Variants in ZNF750 observed in about 807,000 individuals in gnomAD.
ZNF750 encodes protein ZNF750.
ZNF750 carries 10 observed loss-of-function variants against 31.6 expected under a neutral mutation model. The observed-to-expected ratio is 0.32, with a 90% confidence interval of 0.19 to 0.54. The LOEUF is 0.54. Among genes scored for constraint, ZNF750 ranks in the 20% least tolerant of loss-of-function variants. ZNF750 has a pLI of 0.95. For missense variants in ZNF750, 914 were observed against 934.9 expected, an observed-to-expected ratio of 0.98 and a Z score of 0.29; for synonymous variants, 400 against 404.9, an observed-to-expected ratio of 0.99 and a Z score of 0.15.
At position 82,829,440 on chromosome 17, in the gene ZNF750, A is replaced by G. The variant is rs1177587959; in HGVS notation, c.*702T>C. On this transcript the variant is annotated 3_prime_UTR_variant, in exon 3 of 3. Transcript: ENST00000269394. Reference sequence around the variant, plus strand: ...CTGTTACGGCAAAATATTCTAAAGGATAACATAGATTTATGTTTATTTGCA... The same window carrying G: ...CTGTTACGGCAAAATATTCTAAAGGGTAACATAGATTTATGTTTATTTGCA... 6.5e-6 allele frequency: 1 copy of G among 154,282 alleles called. No individual in the cohort carries two copies. 9.6% of individuals were successfully genotyped at this position (154,282 alleles called of 1,614,324 possible).
At chr17:82,839,042 T>A in intron 1 of ZNF750, 1 of 913,712 alleles carries the variant, frequency 1.1e-6, no homozygotes, top group Non-Finnish European at 1.3e-6. Flanking sequence ...TGTCTATATG[T>A]ACAGAAGACC....
rs35792712 is a variant in ZNF750 at position 82,830,850 on chromosome 17, A to G, written c.1464T>C (p.Pro488=). 1.9e-6 allele frequency: 3 copies of G among 1,613,062 alleles called. No homozygotes were observed. In the South Asian group the frequency reaches 3.3e-5, roughly 18 times the overall value. Reference sequence around the variant, plus strand: ...CGAGAGAGGCGCTTCCGGTCGGAGCAGGAGGGTCTCCGTTCACAACATTGA... The same window carrying G: ...CGAGAGAGGCGCTTCCGGTCGGAGCGGGAGGGTCTCCGTTCACAACATTGA... ...VSLNVVNGDP[P]APTGSASLVS... Residue 488 remains proline (P), a synonymous_variant, in exon 3 of 3, where the codon CCT becomes CCC. Coordinates refer to ENST00000269394, the MANE Select transcript of ZNF750 (RefSeq NM_024702.3).
Position 82,832,412 on chromosome 17 carries a change from T to C in ZNF750, c.43A>G (p.Ile15Val). The part of the protein sequence containing the change: ...KERKPKKPHY[I>V]PRPPGKPFKY... ...AAGGGCTTTCCTGGAGGCCTGGGGA[T>C]GTAATGTGGCTTTTTTGGCTTCCGC... The change falls in exon 2 of 3, where the codon ATC becomes GTC. Residue 15 changes from isoleucine to valine, a missense_variant. By Grantham distance (29) the Ile-to-Val change is conservative (BLOSUM62 3). Around this residue, in one of 2 missense-constraint regions of ZNF750, gnomAD observed 34 missense variants for 66.0 expected, o/e 0.52. Coordinates refer to ENST00000269394, the MANE Select transcript of ZNF750 (RefSeq NM_024702.3). The surrounding 1 kb of genome is among the most constrained non-coding windows in gnomAD (Gnocchi z 4.9). 1.2e-6 allele frequency: 2 copies of C among 1,614,066 alleles called. No homozygotes were observed. The highest frequency in any genetic ancestry group is 1.7e-6 in the Non-Finnish European group (2 of 1,180,042).
In ZNF750 at chr17:82,835,605, A is replaced by G. The variant is rs2053901999; in HGVS notation, c.-182-2969T>C. On this transcript the variant is annotated intron_variant, in intron 1 of 2. Coordinates refer to ENST00000269394, the MANE Select transcript of ZNF750 (RefSeq NM_024702.3). This position sits in a 1 kb window ranked among gnomAD's most constrained non-coding sequence, Gnocchi z 4.5. ...GCCCAGCTAATTTTTTTGTAATTTT[A>G]GTAGAGATGGGGTTTCACTATGTTG... Among the ~76,000 whole-genome samples, 4 of 151,746 alleles carry G rather than the reference A, an allele frequency of 2.6e-5. No individual in the cohort carries two copies. Among genetic ancestry groups the G allele is most frequent in the Admixed American group, 2.0e-4 (3 of 15,230 alleles).
At chr17:82,839,227 C>A (rs1314207601) in intron 1 of ZNF750, among the ~76,000 whole-genome samples, 1 of 152,180 alleles carries the variant, frequency 6.6e-6, no homozygotes, top group African/African-American at 2.4e-5. Context: ...AAACATATAA[C>A]CCTAAATTCA....
In ZNF750 at chr17:82,830,861, C is replaced by T. The variant is rs762115687; in HGVS notation, c.1453G>A (p.Gly485Arg). The T allele has an allele frequency of 6.8e-6, 11 of 1,612,626 alleles. No homozygotes were observed. The highest frequency in any genetic ancestry group is 5.3e-5 in the African/African-American group (4 of 74,860). The change falls in exon 3 of 3, where the codon GGA becomes AGA. Residue 485 changes from glycine (G) to arginine (R), a missense_variant. By Grantham distance (125) the Gly-to-Arg change is moderately radical (BLOSUM62 -2). This residue lies in a region of ZNF750 where 880 missense variants were observed against 868.9 expected (regional missense o/e 1.01). Coordinates refer to ENST00000269394, the MANE Select transcript of ZNF750 (RefSeq NM_024702.3). ...CTTCCGGTCGGAGCAGGAGGGTCTC[C>T]GTTCACAACATTGAGGCTAGAAGAA... ...ESPVSLNVVNGDPPAPTGSAS... is the reference protein window; with the variant it reads ...ESPVSLNVVNRDPPAPTGSAS...
chr17:82,834,881 A>T (rs1183303575), intron 1 of ZNF750, among the ~76,000 whole-genome samples: 2 of 138,242 alleles, frequency 1.4e-5, no homozygotes, highest in Non-Finnish European at 3.0e-5. Flanking sequence ...AAAGTATAAT[A>T]AAAAAAAAAT....
chr17:82,838,877 T>C (rs1332006370), intron 1 of ZNF750: 5 of 985,462 alleles, frequency 5.1e-6, no homozygotes, highest in Non-Finnish European at 6.0e-6. Context: ...CGCCTCATCC[T>C]GAAACTCCGG....
Position 82,840,021 on chromosome 17 carries a change from C to G in ZNF750, c.-277G>C, listed in dbSNP as rs1045147467. 3 of 152,368 alleles carry G rather than the reference C, an allele frequency of 2.0e-5. No individual in the cohort carries two copies. Among genetic ancestry groups the G allele is most frequent in the Non-Finnish European group, 4.4e-5 (3 of 68,044 alleles). 9.4% of individuals were successfully genotyped at this position (152,368 alleles called of 1,614,324 possible). On this transcript the variant is annotated 5_prime_UTR_variant, in exon 1 of 3. Coordinates refer to ENST00000269394, the MANE Select transcript of ZNF750 (RefSeq NM_024702.3). ...CTGTTCTCACGCTTGCTGGGTGAAA[C>G]TGGAGCCTGCTGTTCCAGTGGGAGG...
chr17:82,837,770 CT>C (rs1489905773), intron 1 of ZNF750, among the ~76,000 whole-genome samples: 1 of 152,236 alleles, frequency 6.6e-6, no homozygotes, highest in Non-Finnish European at 1.5e-5. Flanking sequence ...TATGCAGAGT[CT>C]TCCCTGACTG....
Position 82,829,880 on chromosome 17 carries a change from C to G in ZNF750, c.*262G>C. The G allele has an allele frequency of 1.8e-6, 1 of 549,198 alleles. No individual in the cohort carries two copies. Among genetic ancestry groups the G allele is most frequent in the South Asian group, 2.4e-5 (1 of 42,106 alleles). The allele number at this position is 549,198 out of a possible 1,614,324, so 34.0% of individuals were successfully genotyped here. On this transcript the variant is annotated 3_prime_UTR_variant, in exon 3 of 3. Coordinates refer to ENST00000269394, the MANE Select transcript of ZNF750 (RefSeq NM_024702.3). ...TTATAAAAGATCTTCTGTAAGACAG[C>G]TTAGACTTGAAAATACATATCAGTC...
chr17:82,837,963 A>T (rs549131449), intron 1 of ZNF750, among the ~76,000 whole-genome samples: 1 of 152,344 alleles, frequency 6.6e-6, no homozygotes, highest in South Asian at 2.1e-4. Flanking sequence ...CTGAGCTTTC[A>T]CCAGGCTTTT....
Position 82,832,207 on chromosome 17 carries a change from G to A in ZNF750, c.248C>T (p.Ala83Val), listed in dbSNP as rs762874747. 3.1e-6 allele frequency: 5 copies of A among 1,614,244 alleles called. No individual in the cohort carries two copies. Among genetic ancestry groups the A allele is most frequent in the South Asian group, 1.1e-5 (1 of 91,086 alleles). ...PKQTNQPDATAKPASSKSVAN... is the reference protein window; with the variant it reads ...PKQTNQPDATVKPASSKSVAN... ...GACAGACTTGGAAGAGGCTGGCTTCGCCGTGGCATCGGGCTGGTTGGTTTG... is the reference window on the plus strand; with the variant it reads ...GACAGACTTGGAAGAGGCTGGCTTCACCGTGGCATCGGGCTGGTTGGTTTG... Residue 83 changes from alanine (A) to valine (V), a missense_variant, in exon 2 of 3, where the codon GCG becomes GTG. Physicochemically the swap from Ala to Val is moderately conservative, Grantham distance 64. Around this residue, in one of 2 missense-constraint regions of ZNF750, gnomAD observed 880 missense variants for 868.9 expected, o/e 1.01. Coordinates refer to ENST00000269394, the MANE Select transcript of ZNF750 (RefSeq NM_024702.3). The surrounding 1 kb of genome is among the most constrained non-coding windows in gnomAD (Gnocchi z 4.9).
chr17:82,834,665 A>G (rs2053812896), intron 1 of ZNF750, among the ~76,000 whole-genome samples: 1 of 146,910 alleles, frequency 6.8e-6, no homozygotes, highest in African/African-American at 2.5e-5. Context: ...GGAGCTGAAC[A>G]GTGAAAACAC....
rs144111183 is a variant in ZNF750 at position 82,833,066 on chromosome 17, C to A, written c.-182-430G>T. Among the ~76,000 whole-genome samples the A allele has an allele frequency of 6.6e-6, 1 of 152,256 alleles. No homozygotes were observed. Among genetic ancestry groups the A allele is most frequent in the East Asian group, 1.9e-4 (1 of 5,168 alleles). On this transcript the variant is annotated intron_variant, in intron 1 of 2. Transcript: ENST00000269394. This position sits in a 1 kb window ranked among gnomAD's most constrained non-coding sequence, Gnocchi z 4.7. Reference sequence around the variant, plus strand: ...AGTCCTGTCCCAGGGCTGCCCGACTCTGCTTGGGGGTTACACGCTTGAAGC... The same window carrying A: ...AGTCCTGTCCCAGGGCTGCCCGACTATGCTTGGGGGTTACACGCTTGAAGC...
At position 82,830,361 on chromosome 17, in the gene ZNF750, C is replaced by T. The variant is rs200708910; in HGVS notation, c.1953G>A (p.Val651=). The part of the protein sequence containing the change: ...LAAYSPRNIR[V]GDGDAAAPEP... The stretch of plus-strand genomic sequence containing the variant: ...CCGGGGCCGCAGCATCCCCATCGCC[C>T]ACCCGGATGTTCCTGGGGCTGTAGG... The change falls in exon 3 of 3, where the codon GTG becomes GTA. Residue 651 remains valine (V), a synonymous_variant. Transcript: ENST00000269394. 5.0e-6 allele frequency: 8 copies of T among 1,613,414 alleles called. No homozygotes were observed. The highest frequency in any genetic ancestry group is 4.0e-5 in the African/African-American group (3 of 75,072).
Position 82,830,029 on chromosome 17 carries a change from C to A in ZNF750, c.*113G>T, listed in dbSNP as rs1034808600. On this transcript the variant is annotated 3_prime_UTR_variant, in exon 3 of 3. Transcript: ENST00000269394. Reference sequence around the variant, plus strand: ...TTTGTTTGTTTGTTTTTTTGAGAAGCAGCAGCTGCATTTGTAAAAATGTGA... The same window carrying A: ...TTTGTTTGTTTGTTTTTTTGAGAAGAAGCAGCTGCATTTGTAAAAATGTGA... 4.0e-6 allele frequency: 6 copies of A among 1,512,658 alleles called. No individual in the cohort carries two copies. The African/African-American group carries it at 8.3e-5, about 21-fold the overall frequency. The allele number at this position is 1,512,658 out of a possible 1,614,324, so 93.7% of individuals were successfully genotyped here.
Position 82,833,200 on chromosome 17 carries a change from G to A in ZNF750, c.-182-564C>T, listed in dbSNP as rs1250064659. On this transcript the variant is annotated intron_variant, in intron 1 of 2. Coordinates refer to ENST00000269394, the MANE Select transcript of ZNF750 (RefSeq NM_024702.3). The surrounding 1 kb of genome is among the most constrained non-coding windows in gnomAD (Gnocchi z 4.7). Reference sequence around the variant, plus strand: ...AGAGTGCCCCTCACTTTTACACAGAGCGTGGGCTGGCCACCGTCTACTTGC... The same window carrying A: ...AGAGTGCCCCTCACTTTTACACAGAACGTGGGCTGGCCACCGTCTACTTGC... 6.6e-6 allele frequency among the ~76,000 whole-genome samples: 1 copy of A among 152,034 alleles called. No individual in the cohort carries two copies. The highest frequency in any genetic ancestry group is 1.5e-5 in the Non-Finnish European group (1 of 68,016).
rs935279603 is a variant in ZNF750, at chr17:82,832,694, G to A, written c.-182-58C>T. On this transcript the variant is annotated intron_variant, in intron 1 of 2. Transcript: ENST00000269394. This position sits in a 1 kb window ranked among gnomAD's most constrained non-coding sequence, Gnocchi z 4.9. ...GCGAGTGAGGGGTCGGCGAGAAGCC[G>A]GCCTCGGCTCGCCACAGTGCCACAG... 5.3e-6 allele frequency: 3 copies of A among 564,632 alleles called. No homozygotes were observed. The highest frequency in any genetic ancestry group is 9.5e-6 in the Non-Finnish European group (3 of 316,820). 35.0% of individuals were successfully genotyped at this position (564,632 alleles called of 1,614,324 possible). A position where few individuals can be genotyped will look rare whatever the true frequency, so the allele number is the denominator to read the frequency against.
Sources: gnomAD v4.1 joint callset for allele counts (sites outside exome capture counted in the v4.1 genomes callset) on GRCh38, gnomAD v4.1.1 for gene constraint, gnomAD v4.1.1 regional missense constraint, Gnocchi (gnomAD v3.1) non-coding constraint, MANE v1.5 for transcripts, NCBI Gene and HGNC (gene_info 2026-07-23, HGNC 2026-07-21) for gene names.